Variants in ATP10B observed in about 807,000 individuals in gnomAD.
The protein encoded by ATP10B is ATPase phospholipid transporting 10B (putative), also known as phospholipid-transporting ATPase VB.
Under a neutral mutation model 141.2 loss-of-function variants are expected in ATP10B, and 122 were observed. The ratio of observed to expected loss-of-function variants is 0.86; its 90% CI spans 0.75 to 1.00. The LOEUF is 1.00. Among genes scored for constraint, ATP10B ranks in the 50% least tolerant of loss-of-function variants. The pLI, the probability that ATP10B is intolerant of heterozygous loss-of-function variation, is 0.00. For synonymous variants in ATP10B, 685 were observed against 692.0 expected (o/e 0.99, Z 0.16); for missense variants, 1,876 against 1,825.3 (o/e 1.03, Z -0.51).
rs541260963 is a variant in ATP10B, at chr5:160,775,094, C to G, written c.-331+10465G>C. Among the ~76,000 whole-genome samples, 138 of 152,312 alleles carry G rather than the reference C, an allele frequency of 9.1e-4. 2 individuals carry two copies. Among genetic ancestry groups the G allele is most frequent in the African/African-American group, 3.1e-3 (130 of 41,576 alleles). ...TGACTCCTTTGAACGCAACTCTGTT[C>G]GTGATCTGTAGCAGTTCTGCAGAAG... On this transcript the variant is annotated intron_variant, in intron 2 of 25. Transcript: ENST00000327245.
At chr5:160,718,601 T>A (rs1228858110) in intron 2 of ATP10B, among the ~76,000 whole-genome samples, 1 of 152,122 alleles carries the variant, frequency 6.6e-6, no homozygotes, top group Non-Finnish European at 1.5e-5. Context: ...GAAGAAGACA[T>A]AGGGAAAGGG....
At chr5:160,860,947 CCCCA>C in the ATP10B span, among the ~76,000 whole-genome samples, 10 of 152,036 alleles carry the variant, frequency 6.6e-5, no homozygotes, top group Admixed American at 6.6e-4. Flanking sequence ...TATCCCCATT[CCCCA>C]CCCAAACTGC....
At chr5:160,788,011 GC>G (rs1368223083) in intron 1 of ATP10B, among the ~76,000 whole-genome samples, 1 of 152,082 alleles carries the variant, frequency 6.6e-6, no homozygotes, top group Admixed American at 6.6e-5. Context: ...GTAAAGTTTT[GC>G]CCCTGTCCTC....
Position 160,622,572 on chromosome 5 carries a change from G to A in ATP10B, c.1634C>T (p.Thr545Ile). 1 of 1,610,160 alleles carries A rather than the reference G, an allele frequency of 6.2e-7. No homozygotes were observed. Among genetic ancestry groups the A allele is most frequent in the Non-Finnish European group, 8.5e-7 (1 of 1,177,948 alleles). ...AFSSSIEKDVTPDKNLLTKVR... is the reference protein window; with the variant it reads ...AFSSSIEKDVIPDKNLLTKVR... ...CTTGGTCAGTAGGTTTTTATCTGGA[G>A]TTACATCTTTTTCCTGGAAGAGAAA... The change falls in exon 14 of 26, where the codon ACT becomes ATT. Residue 545 changes from threonine (T) to isoleucine (I), a missense_variant. By Grantham distance (89) the Thr-to-Ile change is moderately conservative. Coordinates refer to ENST00000327245, the MANE Select transcript of ATP10B (RefSeq NM_025153.3).
chr5:160,728,592 G>C (rs941522723), intron 2 of ATP10B, among the ~76,000 whole-genome samples: 2 of 152,066 alleles, frequency 1.3e-5, no homozygotes, highest in African/African-American at 4.8e-5. Flanking sequence ...CTCTTCTCTT[G>C]GCTGATTTTA....
chr5:160,907,737 G>A, the ATP10B span, among the ~76,000 whole-genome samples: 23 of 152,318 alleles, frequency 1.5e-4, no homozygotes, highest in South Asian at 4.8e-3. Context: ...GAGACTTAAA[G>A]AGGTTGAGTG....
chr5:160,821,496 C>G (rs540793977), intron 1 of ATP10B, among the ~76,000 whole-genome samples: 2 of 151,918 alleles, frequency 1.3e-5, no homozygotes, highest in African/African-American at 4.8e-5. Context: ...ATATTCTTTA[C>G]AGAAATATAA....
intron 2 of ATP10B, among the ~76,000 whole-genome samples, chr5:160,770,340 C>A (rs1769793474): frequency 6.6e-6 from 1 of 152,090 alleles, no homozygotes; most frequent in South Asian, 2.1e-4. Flanking sequence ...CTCATTTCCT[C>A]CATTTATTTT....
the ATP10B span, among the ~76,000 whole-genome samples, chr5:160,887,740 G>C: frequency 6.6e-6 from 1 of 152,120 alleles, no homozygotes; most frequent in Non-Finnish European, 1.5e-5. Context: ...CTGCTGTCTG[G>C]ATTGTTCTTC....
chr5:160,719,125 G>A (rs1765834603), intron 2 of ATP10B, among the ~76,000 whole-genome samples: 1 of 152,184 alleles, frequency 6.6e-6, no homozygotes, highest in Middle Eastern at 3.2e-3. Flanking sequence ...TGGCGGCCGG[G>A]CACGGTGGCT....
At chr5:160,651,315 T>G (rs553566010) in intron 7 of ATP10B, among the ~76,000 whole-genome samples, 1 of 152,168 alleles carries the variant, frequency 6.6e-6, no homozygotes, top group Admixed American at 6.5e-5. Flanking sequence ...TAAGTATTTT[T>G]TTTAAAGGCA....
chr5:160,794,278 T>C (rs536273375), intron 1 of ATP10B, among the ~76,000 whole-genome samples: 3 of 152,294 alleles, frequency 2.0e-5, no homozygotes, highest in Non-Finnish European at 4.4e-5. Context: ...GAATGTCTAC[T>C]GCCTTGTCTG....
intron 6 of ATP10B, among the ~76,000 whole-genome samples, chr5:160,673,108 T>G (rs534347902): frequency 6.6e-6 from 1 of 152,204 alleles, no homozygotes; most frequent in Non-Finnish European, 1.5e-5. Context: ...CACGGTTAAA[T>G]GTCATCCAAA....
intron 1 of ATP10B, among the ~76,000 whole-genome samples, chr5:160,792,789 A>G (rs933359426): frequency 5.9e-5 from 9 of 152,164 alleles, no homozygotes; most frequent in African/African-American, 2.2e-4. Context: ...CATCCACATG[A>G]TCAATGTAAT....
At chr5:160,579,949 C>A (rs1416253703) in intron 24 of ATP10B, among the ~76,000 whole-genome samples, 1 of 152,138 alleles carries the variant, frequency 6.6e-6, no homozygotes, top group Non-Finnish European at 1.5e-5. Flanking sequence ...AGAGTTCACT[C>A]ATGATTTGGC....
At chr5:160,912,596 CAAAGA>C in the ATP10B span, among the ~76,000 whole-genome samples, 7 of 124,840 alleles carry the variant, frequency 5.6e-5, no homozygotes, top group African/African-American at 2.1e-4. Context: ...AAGCCACTGT[CAAAGA>C]AAAGAAAAGA....
chr5:160,652,859 TTATATATAA>T (rs1287273095), intron 7 of ATP10B, among the ~76,000 whole-genome samples: 16 of 74,038 alleles, frequency 2.2e-4, no homozygotes, highest in East Asian at 9.0e-4. Flanking sequence ...AGATTATAAA[TTATATATAA>T]TATATATAAT....
At chr5:160,651,684 A>T (rs1266319618) in intron 7 of ATP10B, among the ~76,000 whole-genome samples, 2 of 152,140 alleles carry the variant, frequency 1.3e-5, no homozygotes, top group Non-Finnish European at 2.9e-5. Context: ...GATTAAAAGA[A>T]ATGATAGCAT....
intron 21 of ATP10B, 157 bp downstream of exon 21, chr5:160,602,420 G>T: frequency 2.2e-6 from 2 of 922,952 alleles, no homozygotes; most frequent in Non-Finnish European, 3.2e-6. Flanking sequence ...CTAGCTCAAG[G>T]TCACAGAGCT....
Sources: gnomAD v4.1 joint callset for allele counts (sites outside exome capture counted in the v4.1 genomes callset) on GRCh38, gnomAD v4.1.1 for gene constraint, MANE v1.5 for transcripts, NCBI Gene and HGNC (gene_info 2026-07-23, HGNC 2026-07-21) for gene names.